Variants in TIAM2 observed in about 807,000 individuals in gnomAD.
TIAM2 encodes the protein rho guanine nucleotide exchange factor TIAM2.
A neutral mutation model predicts 152.9 loss-of-function variants in TIAM2; 80 were observed. The ratio of observed to expected loss-of-function variants is 0.52; its 90% CI spans 0.44 to 0.63. The LOEUF (loss-of-function observed/expected upper bound fraction) is 0.63. TIAM2 is among the 30% of genes least tolerant of loss of function. TIAM2 has a pLI of 0.00. For missense variants in TIAM2, 1,965 were observed against 2,120.1 expected (o/e 0.93, Z 1.44); for synonymous variants, 804 against 838.0 (o/e 0.96, Z 0.70).
At chr6:155,055,246 A>G (rs1444063255) in intron 1 of TIAM2, among the ~76,000 whole-genome samples, 3 of 152,200 alleles carry the variant, frequency 2.0e-5, no homozygotes, top group Non-Finnish European at 2.9e-5. Flanking sequence ...TGCTGAAATC[A>G]AAGTACCATA....
At chr6:155,048,176 C>T (rs892794175) in intron 1 of TIAM2, among the ~76,000 whole-genome samples, 7 of 152,250 alleles carry the variant, frequency 4.6e-5, no homozygotes, top group South Asian at 2.1e-4. Context: ...TGGTTTTGAA[C>T]GCCTGACCTC....
intron 1 of TIAM2, among the ~76,000 whole-genome samples, chr6:155,051,335 A>G (rs1212128676): frequency 6.6e-6 from 1 of 152,204 alleles, no homozygotes; most frequent in Non-Finnish European, 1.5e-5. Context: ...ACTCCCATCC[A>G]TGGGTGCCCG....
chr6:155,145,502 C>T (rs1029539158), intron 6 of TIAM2, among the ~76,000 whole-genome samples: 8 of 152,020 alleles, frequency 5.3e-5, no homozygotes, highest in South Asian at 2.1e-4. Context: ...TAAATGACAT[C>T]GTGTGTGTGT....
chr6:155,195,904 G>C (rs1318553165), intron 14 of TIAM2, among the ~76,000 whole-genome samples: 1 of 152,238 alleles, frequency 6.6e-6, no homozygotes, highest in East Asian at 1.9e-4. Flanking sequence ...AGCAGTGAGA[G>C]GTGAGGCCCA....
intron 1 of TIAM2, among the ~76,000 whole-genome samples, chr6:155,015,266 G>A (rs1439125443): frequency 6.6e-6 from 1 of 152,148 alleles, no homozygotes; most frequent in East Asian, 1.9e-4. Context: ...TCTACTAATG[G>A]AGTTGGGGGA....
intron 2 of TIAM2, among the ~76,000 whole-genome samples, chr6:155,114,036 ATTTTTTTT>A (rs869241399): frequency 2.3e-4 from 8 of 34,904 alleles, no homozygotes; most frequent in African/African-American, 7.9e-4. Flanking sequence ...ATATATATAT[ATTTTTTTT>A]TTTTTCTTTT....
At chr6:155,059,282 C>CTGTGTG (rs200226916) in intron 1 of TIAM2, among the ~76,000 whole-genome samples, 5,013 of 144,096 alleles carry the variant, frequency 0.035, 131 homozygotes, top group Middle Eastern at 0.067. Flanking sequence ...ATGTCCCTTT[C>CTGTGTG]TGTGTGTGTG....
chr6:155,087,560 C>G (rs1260175233), intron 1 of TIAM2, among the ~76,000 whole-genome samples: 2 of 151,910 alleles, frequency 1.3e-5, no homozygotes, highest in African/African-American at 4.8e-5. Flanking sequence ...ACCAGCCTGG[C>G]CAACATGGTG....
chr6:155,230,840 T>G (rs1181636725), intron 15 of TIAM2, among the ~76,000 whole-genome samples: 1 of 151,358 alleles, frequency 6.6e-6, no homozygotes, highest in African/African-American at 2.4e-5. Context: ...GAGCTACTTT[T>G]TTTTTTTTTT....
At chr6:155,015,920 G>C (rs1778567959) in intron 1 of TIAM2, among the ~76,000 whole-genome samples, 1 of 121,480 alleles carries the variant, frequency 8.2e-6, no homozygotes, top group Non-Finnish European at 1.6e-5. Flanking sequence ...CTGGGCCACA[G>C]AGCAAGACCC....
chr6:155,185,949 G>A (rs574084181), intron 14 of TIAM2, among the ~76,000 whole-genome samples: 20 of 152,334 alleles, frequency 1.3e-4, no homozygotes, highest in African/African-American at 4.6e-4. Flanking sequence ...CACAAACAGA[G>A]GCTTTTCTTT....
chr6:155,102,949 A>G (rs1042141571), intron 2 of TIAM2, among the ~76,000 whole-genome samples: 7 of 152,300 alleles, frequency 4.6e-5, no homozygotes, highest in East Asian at 1.9e-4. Context: ...TTGCTTTTAC[A>G]TGGGTCATTT....
chr6:155,125,817 G>A (rs1444230889), intron 2 of TIAM2, among the ~76,000 whole-genome samples: 1 of 151,228 alleles, frequency 6.6e-6, no homozygotes, highest in Non-Finnish European at 1.5e-5. Context: ...CAGCCTGGAC[G>A]ACAGAGCAAG....
intron 15 of TIAM2, among the ~76,000 whole-genome samples, chr6:155,230,322 C>T (rs1183713202): frequency 1.3e-5 from 2 of 152,246 alleles, no homozygotes; most frequent in African/African-American, 4.8e-5. Flanking sequence ...GCCACAGTTA[C>T]ACTGGCCTTC....
chr6:155,250,291 C>CTT (rs11320509), intron 21 of TIAM2, among the ~76,000 whole-genome samples: 33 of 133,674 alleles, frequency 2.5e-4, no homozygotes, highest in African/African-American at 8.4e-4. Context: ...TTGATTTTGC[C>CTT]TTTTTTTTTT....
intron 15 of TIAM2, among the ~76,000 whole-genome samples, chr6:155,227,176 C>A (rs1782279953): frequency 6.6e-6 from 1 of 152,196 alleles, no homozygotes; most frequent in African/African-American, 2.4e-5. Flanking sequence ...TTGGAAAAAT[C>A]ATTCACTCCC....
At chr6:155,216,192 C>A (rs1408297344) in intron 15 of TIAM2, among the ~76,000 whole-genome samples, 1 of 152,032 alleles carries the variant, frequency 6.6e-6, no homozygotes, top group Non-Finnish European at 1.5e-5. Flanking sequence ...GGGACTCCCC[C>A]CGCCCCACCC....
intron 1 of TIAM2, among the ~76,000 whole-genome samples, chr6:155,060,903 A>T (rs929947792): frequency 6.6e-6 from 1 of 152,124 alleles, no homozygotes; most frequent in African/African-American, 2.4e-5. Flanking sequence ...CAAAAACCAA[A>T]CCAAACCAAA....
chr6:155,072,614 G>C (rs761604475), intron 1 of TIAM2, among the ~76,000 whole-genome samples: 1 of 152,108 alleles, frequency 6.6e-6, no homozygotes, highest in East Asian at 1.9e-4. Flanking sequence ...GGGTCATGTT[G>C]ATTTTTTGAG....
Sources: allele counts gnomAD v4.1 joint callset (sites outside exome capture counted in the v4.1 genomes callset), GRCh38; gene constraint gnomAD v4.1.1; transcripts MANE v1.5; gene names NCBI Gene and HGNC (gene_info 2026-07-23, HGNC 2026-07-21).